STK10: variants seen among roughly 807,000 people sequenced by gnomAD.
STK10 encodes the protein serine/threonine kinase 10.
Under a neutral mutation model 113.8 loss-of-function variants are expected in STK10, and 78 were observed. That is an observed-to-expected ratio of 0.69 (90% confidence interval 0.57 to 0.83). STK10 has a LOEUF of 0.83. Among genes scored for constraint, STK10 ranks in the 40% least tolerant of loss-of-function variants. The pLI, the probability that STK10 is intolerant of heterozygous loss-of-function variation, is 0.00. For synonymous variants in STK10, 465 were observed against 494.7 expected, an observed-to-expected ratio of 0.94 and a Z score of 0.80; for missense variants, 1,109 against 1,280.1, an observed-to-expected ratio of 0.87 and a Z score of 2.04.
intron 2 of STK10, among the ~76,000 whole-genome samples, chr5:172,149,509 T>C (rs1242325977): frequency 6.7e-6 from 1 of 150,002 alleles, no homozygotes; most frequent in Non-Finnish European, 1.5e-5. Context: ...TGTGTGTGTG[T>C]GTGTGTGTGT....
intron 2 of STK10, among the ~76,000 whole-genome samples, chr5:172,154,549 C>CTGGG (rs1770306683): frequency 1.3e-5 from 2 of 152,188 alleles, no homozygotes; most frequent in Admixed American, 6.5e-5. Context: ...ATCGGAGGAG[C>CTGGG]TGGGGCCTTC....
Position 172,106,668 on chromosome 5 carries a change from A to C in STK10, c.740T>G (p.Leu247Arg), listed in dbSNP as rs775294882. The C allele has an allele frequency of 6.2e-7, 1 of 1,613,712 alleles. No homozygotes were observed. The change falls in exon 6 of 19, where the codon CTA becomes CGA. Residue 247 changes from leucine (L) to arginine (R), a missense_variant. By Grantham distance (102) the Leu-to-Arg change is moderately radical. Transcript: ENST00000176763. ...GGGAGGGTCCGACTTGGCGATCTTTAGCAGGACCCGCATGGGGTTGAGCTC... is the reference window on the plus strand; with the variant it reads ...GGGAGGGTCCGACTTGGCGATCTTTCGCAGGACCCGCATGGGGTTGAGCTC... ...HHELNPMRVLLKIAKSDPPTL... is the reference protein window; with the variant it reads ...HHELNPMRVLRKIAKSDPPTL...
In STK10 at chr5:172,117,468, C is replaced by T. The variant is rs753513420; in HGVS notation, c.520+13G>A. ...ACCCTGTGGCTCCACCTTTCCCACC[C>T]TGAGCCCCTTACCCAGCCTGATGTC... On this transcript the variant is annotated intron_variant, in intron 4 of 18. Transcript: ENST00000176763. 2.5e-6 allele frequency: 4 copies of T among 1,609,492 alleles called. No homozygotes were observed. Among genetic ancestry groups the T allele is most frequent in the Middle Eastern group, 2.1e-4 (1 of 4,754 alleles).
At chr5:172,057,990 G>A (rs865968619) in intron 14 of STK10, among the ~76,000 whole-genome samples, 4 of 152,130 alleles carry the variant, frequency 2.6e-5, no homozygotes, top group Non-Finnish European at 5.9e-5. Context: ...TTTGAAAAAT[G>A]GGTGAGATCC....
chr5:172,157,505 G>T (rs1770375527), intron 1 of STK10, among the ~76,000 whole-genome samples: 1 of 152,148 alleles, frequency 6.6e-6, no homozygotes, highest in African/African-American at 2.4e-5. Context: ...GCAGTGAGCA[G>T]AGACCACACC....
At chr5:172,178,119 C>T (rs1337704389) in intron 1 of STK10, among the ~76,000 whole-genome samples, 2 of 152,224 alleles carry the variant, frequency 1.3e-5, no homozygotes, top group South Asian at 2.1e-4. Context: ...TGAGCCACCG[C>T]GCCCAGCCCA....
chr5:172,134,392 G>A (rs1056373354), intron 2 of STK10, among the ~76,000 whole-genome samples: 7 of 152,026 alleles, frequency 4.6e-5, no homozygotes, highest in Non-Finnish European at 8.8e-5. Flanking sequence ...ATTAAAGACC[G>A]TACTGCAGTC....
chr5:172,181,969 T>G (rs1275461533), intron 1 of STK10, among the ~76,000 whole-genome samples: 3 of 152,184 alleles, frequency 2.0e-5, no homozygotes, highest in Non-Finnish European at 2.9e-5. Context: ...TTGCTGCTAT[T>G]TGTTTGGTAA....
rs1769123918 is a variant in STK10 at position 172,106,803 on chromosome 5, T to G, written c.605A>C (p.Glu202Ala). The G allele has an allele frequency of 6.2e-7, 1 of 1,613,936 alleles. No individual in the cohort carries two copies. Among genetic ancestry groups the G allele is most frequent in the Non-Finnish European group, 8.5e-7 (1 of 1,179,904 alleles). Residue 202 changes from glutamate to alanine, a missense_variant, in exon 6 of 19, where the codon GAG becomes GCG. Physicochemically the swap from Glu to Ala is moderately radical, Grantham distance 107 (BLOSUM62 -1). This residue lies in a region of STK10 where 44 missense variants were observed against 84.4 expected (regional missense o/e 0.52). Coordinates refer to ENST00000176763, the MANE Select transcript of STK10 (RefSeq NM_005990.4). ...TTTCATGGTCTCACACATGACCACC[T>G]CGGGGGCCATCCTGAACCAACCAAG... ...FIGTPYWMAP[E>A]VVMCETMKDT...
chr5:172,072,051 A>C (rs1768192608), intron 12 of STK10, among the ~76,000 whole-genome samples: 1 of 152,220 alleles, frequency 6.6e-6, no homozygotes, highest in African/African-American at 2.4e-5. Context: ...TAAAAAGGAA[A>C]ATATACAATA....
chr5:172,121,510 A>T (rs1361992092), intron 3 of STK10, among the ~76,000 whole-genome samples: 1 of 151,912 alleles, frequency 6.6e-6, no homozygotes, highest in East Asian at 1.9e-4. Context: ...CAGCTAGTTT[A>T]TAAAAAAAAT....
chr5:172,084,100 C>T (rs55746520), intron 10 of STK10, among the ~76,000 whole-genome samples: 21,316 of 151,636 alleles, frequency 0.14, 1,587 homozygotes, highest in Non-Finnish European at 0.16. Flanking sequence ...CATAAGGAAA[C>T]ATATTAAAAA....
At chr5:172,158,585 C>G (rs542595939) in intron 1 of STK10, among the ~76,000 whole-genome samples, 34 of 152,090 alleles carry the variant, frequency 2.2e-4, no homozygotes, top group Admixed American at 9.8e-4. Context: ...CAAGATCATG[C>G]GACTGCACTC....
intron 2 of STK10, among the ~76,000 whole-genome samples, chr5:172,153,113 C>G (rs1319774052): frequency 6.6e-6 from 1 of 151,874 alleles, no homozygotes; most frequent in African/African-American, 2.4e-5. Context: ...ATGGAGAAAC[C>G]CCATCTCTAC....
At chr5:172,048,825 G>A (rs186152393) in intron 18 of STK10, among the ~76,000 whole-genome samples, 6,556 of 150,900 alleles carry the variant, frequency 0.043, 487 homozygotes, top group African/African-American at 0.15. Context: ...CAGACTTTAC[G>A]CAGGCCCCCC....
intron 2 of STK10, among the ~76,000 whole-genome samples, chr5:172,147,601 C>G (rs1770112053): frequency 6.6e-6 from 1 of 152,172 alleles, no homozygotes; most frequent in Non-Finnish European, 1.5e-5. Flanking sequence ...ACCATATTGG[C>G]CAGGGTGGTC....
chr5:172,117,492 T>G lies in STK10; in HGVS notation c.509A>C (p.Asp170Ala). The change falls in exon 4 of 19, where the codon GAC (aspartate) becomes GCC (alanine). Residue 170 changes from aspartate to alanine, a missense_variant. By Grantham distance (126) the Asp-to-Ala change is moderately radical. This residue lies in a region of STK10 where 44 missense variants were observed against 84.4 expected (regional missense o/e 0.52). Transcript: ENST00000176763. ...AGNVLMTLEG[D>A]IRLADFGVSA... ...CCTGAGCCCCTTACCCAGCCTGATGTCTCCCTCGAGGGTCATCAGCACGTT... is the reference window on the plus strand; with the variant it reads ...CCTGAGCCCCTTACCCAGCCTGATGGCTCCCTCGAGGGTCATCAGCACGTT... The G allele has an allele frequency of 6.2e-7, 1 of 1,610,364 alleles. No individual in the cohort carries two copies. The highest frequency in any genetic ancestry group is 8.5e-7 in the Non-Finnish European group (1 of 1,179,742).
At chr5:172,154,958 T>C (rs150789564) in intron 2 of STK10, among the ~76,000 whole-genome samples, 1 of 152,270 alleles carries the variant, frequency 6.6e-6, no homozygotes, top group Admixed American at 6.5e-5. Context: ...ATAAGTAGTA[T>C]CTTTGGACCT....
chr5:172,105,895 C>G (rs996324133), intron 6 of STK10, among the ~76,000 whole-genome samples, 158 bp from the exon 7 acceptor site: 2 of 152,212 alleles, frequency 1.3e-5, no homozygotes, highest in African/African-American at 2.4e-5. Flanking sequence ...CCCTTTTCAT[C>G]ATGGACACCA....
Sources: allele counts gnomAD v4.1 joint callset (sites outside exome capture counted in the v4.1 genomes callset), GRCh38; gene constraint gnomAD v4.1.1; regional missense constraint gnomAD v4.1.1; transcripts MANE v1.5; gene names NCBI Gene and HGNC (gene_info 2026-07-23, HGNC 2026-07-21).